ADGRV1: variants seen among roughly 807,000 people sequenced by gnomAD.
ADGRV1 encodes G-protein coupled receptor 98.
ADGRV1 carries 359 observed loss-of-function variants against 596.2 expected under a neutral mutation model. That is an observed-to-expected ratio of 0.60 (90% confidence interval 0.55 to 0.66). ADGRV1 has a LOEUF of 0.66. Ranked by LOEUF, ADGRV1 falls within the 30% of genes least tolerant of loss-of-function variation. ADGRV1 has a pLI of 0.00. For synonymous variants in ADGRV1, 2,681 were observed against 2,679.2 expected (o/e 1.00, Z -0.02); for missense variants, 7,274 against 7,575.6 (o/e 0.96, Z 1.48).
At position 90,985,511 on chromosome 5, in the gene ADGRV1, T is replaced by G. The variant is rs888089676; in HGVS notation, c.18141T>G (p.Ile6047Met). 3.7e-6 allele frequency: 6 copies of G among 1,613,438 alleles called. No homozygotes were observed. The highest frequency in any genetic ancestry group is 5.1e-6 in the Non-Finnish European group (6 of 1,179,544). The change falls in exon 85 of 90, where the codon ATT (isoleucine) becomes ATG (methionine). Residue 6047 changes from isoleucine (I) to methionine (M), a missense_variant. Ile to Met is a conservative substitution (Grantham distance 10). Around this residue, in one of 5 missense-constraint regions of ADGRV1, gnomAD observed 1,874 missense variants for 1,970.2 expected, o/e 0.95. Transcript: ENST00000405460. ...HQSMSQIYGL[I>M]HGDLCFIPNV... ...GCATGTCACAGATCTATGGACTCAT[T>G]CATGGTGACCTGTAAGTACACCCAG...
intron 59 of ADGRV1, among the ~76,000 whole-genome samples, chr5:90,766,926 G>A (rs1226720102): frequency 6.6e-6 from 1 of 152,068 alleles, no homozygotes; most frequent in Non-Finnish European, 1.5e-5. Context: ...AAGAAGGTGG[G>A]GAAGCAGCAT....
Position 90,810,992 on chromosome 5 carries a change from T to A in ADGRV1, c.15732T>A (p.Leu5244=). 6.2e-7 allele frequency: 1 copy of A among 1,614,016 alleles called. No homozygotes were observed. The highest frequency in any genetic ancestry group is 8.5e-7 in the Non-Finnish European group (1 of 1,179,890). ...KNGTFNTAEV[L]IRRTGGFTGN... ...GCACATTCAACACTGCAGAAGTTCT[T>A]ATCCGAAGAACTGGTGGGTTTACTG... Residue 5244 remains leucine (L), a synonymous_variant, in exon 74 of 90, where the codon CTT becomes CTA. Coordinates refer to ENST00000405460, the MANE Select transcript of ADGRV1 (RefSeq NM_032119.4).
intron 59 of ADGRV1, among the ~76,000 whole-genome samples, chr5:90,766,716 T>C (rs936977000): frequency 1.3e-5 from 2 of 152,204 alleles, no homozygotes; most frequent in African/African-American, 4.8e-5. Context: ...TTGGTTTCTG[T>C]AACTTGTAAG....
chr5:90,628,183 C>T (rs1223710885), intron 7 of ADGRV1, among the ~76,000 whole-genome samples: 1 of 148,422 alleles, frequency 6.7e-6, no homozygotes, highest in Non-Finnish European at 1.5e-5. Flanking sequence ...TCTAGGTGTT[C>T]AAGACCAGCC....
Position 90,745,195 on chromosome 5 carries a change from G to A in ADGRV1, c.10699G>A (p.Ala3567Thr), listed in dbSNP as rs2149912305. ...KSLNSSKNLI[A>T]LVGAHSHIYE... The stretch of plus-strand genomic sequence containing the variant: ...CCTTAATTCAAGCAAGAATTTAATA[G>A]CTCTAGTGGGAGCTCATTCACATAT... The change falls in exon 51 of 90, where the codon GCT becomes ACT. Residue 3567 changes from alanine (A) to threonine (T), a missense_variant. Around this residue, in one of 5 missense-constraint regions of ADGRV1, gnomAD observed 3,643 missense variants for 3,809.2 expected, o/e 0.96. Transcript: ENST00000405460. 6.2e-7 allele frequency: 1 copy of A among 1,612,712 alleles called. No individual in the cohort carries two copies. The highest frequency in any genetic ancestry group is 8.5e-7 in the Non-Finnish European group (1 of 1,179,702).
chr5:90,810,229 C>A lies in ADGRV1; in HGVS notation c.14973-4C>A. 5.9e-6 allele frequency: 9 copies of A among 1,528,110 alleles called. No individual in the cohort carries two copies. Among genetic ancestry groups the A allele is most frequent in the Non-Finnish European group, 7.9e-6 (9 of 1,138,232 alleles). The allele number at this position is 1,528,110 out of a possible 1,614,324, so 94.7% of individuals were successfully genotyped here. On this transcript the variant is annotated splice_polypyrimidine_tract_variant and splice_region_variant and intron_variant, in intron 73 of 89. Transcript: ENST00000405460. Reference sequence around the variant, plus strand: ...ATTTCTTCATGATTTAATTTTTTTCCCAGATCAGGTTTCATTGTTGCTGAA... The same window carrying A: ...ATTTCTTCATGATTTAATTTTTTTCACAGATCAGGTTTCATTGTTGCTGAA...
chr5:90,769,897 C>T (rs969200636), intron 59 of ADGRV1, among the ~76,000 whole-genome samples: 4 of 152,178 alleles, frequency 2.6e-5, no homozygotes, highest in East Asian at 1.9e-4. Flanking sequence ...CTACATATTA[C>T]GAATTGGAAA....
chr5:90,915,404 C>A (rs936021906), intron 83 of ADGRV1, among the ~76,000 whole-genome samples: 3 of 152,132 alleles, frequency 2.0e-5, no homozygotes, highest in Admixed American at 1.3e-4. Context: ...GCTGTTTAAT[C>A]CCCCTGACTT....
chr5:91,071,039 A>G (rs983207828), intron 85 of ADGRV1, among the ~76,000 whole-genome samples: 2 of 152,160 alleles, frequency 1.3e-5, no homozygotes, highest in Non-Finnish European at 2.9e-5. Flanking sequence ...TAGCTCCCTA[A>G]TGGTGATATG....
intron 83 of ADGRV1, among the ~76,000 whole-genome samples, chr5:90,918,637 A>C (rs1773596857): frequency 6.6e-6 from 1 of 152,206 alleles, no homozygotes; most frequent in African/African-American, 2.4e-5. Flanking sequence ...ACTGTAAATA[A>C]TAATAAGTTT....
chr5:91,066,274 A>G (rs1350029267), intron 85 of ADGRV1, among the ~76,000 whole-genome samples: 1 of 152,156 alleles, frequency 6.6e-6, no homozygotes, highest in Non-Finnish European at 1.5e-5. Context: ...TTCAAAAGCT[A>G]CTCTAACATG....
intron 81 of ADGRV1, among the ~76,000 whole-genome samples, chr5:90,854,836 AC>A (rs1186561283): frequency 6.6e-6 from 1 of 152,192 alleles, no homozygotes; most frequent in Non-Finnish European, 1.5e-5. Context: ...AGCCACACAA[AC>A]TAAAATTCTA....
rs751116941 is a variant in ADGRV1, at chr5:90,643,886, G to A, written c.2637G>A (p.Thr879=). The change falls in exon 14 of 90, where the codon ACG becomes ACA. Residue 879 remains threonine, a synonymous_variant. Coordinates refer to ENST00000405460, the MANE Select transcript of ADGRV1 (RefSeq NM_032119.4). ...GAAGTGCCACCATTGTCAATATAAC[G>A]ATTCTGAAAAATGATGATCCTCATG... ...KLGSATIVNI[T]ILKNDDPHGI... 5.6e-6 allele frequency: 9 copies of A among 1,611,538 alleles called. No homozygotes were observed. In the African/African-American group the frequency reaches 6.7e-5, roughly 12 times the overall value.
At chr5:91,150,269 C>G (rs773431508) in intron 88 of ADGRV1, 48 bp downstream of exon 88, 7 of 1,330,974 alleles carry the variant, frequency 5.3e-6, no homozygotes, top group Admixed American at 2.8e-5. Flanking sequence ...CTCTGTCTCT[C>G]TCTCTCTCTC....
chr5:91,139,000 A>T (rs1794878143), intron 87 of ADGRV1, among the ~76,000 whole-genome samples: 1 of 152,058 alleles, frequency 6.6e-6, no homozygotes, highest in South Asian at 2.1e-4. Context: ...CGAACTCCTG[A>T]CCTCAAGTGA....
chr5:90,745,849 T>C, intron 52 of ADGRV1, 54 bp downstream of exon 52: 1 of 1,044,982 alleles, frequency 9.6e-7, no homozygotes, highest in Non-Finnish European at 1.5e-6. Flanking sequence ...ATTTATTGTA[T>C]TTGTGTATTA....
rs1208434789 is a variant in ADGRV1 at position 90,783,931 on chromosome 5, G to A, written c.13527G>A (p.Lys4509=). Residue 4509 remains lysine, a synonymous_variant, in exon 67 of 90, where the codon AAG becomes AAA. Transcript: ENST00000405460. ...TAGTGAGCAGAATCATAATAGCTAA[G>A]AGTGACTCTCCCTTTGGAGTTATAA... The part of the protein sequence containing the change: ...RHLVSRIIIA[K]SDSPFGVIRF... 1.2e-6 allele frequency: 2 copies of A among 1,612,392 alleles called. No homozygotes were observed. Among genetic ancestry groups the A allele is most frequent in the Non-Finnish European group, 1.7e-6 (2 of 1,179,244 alleles).
At chr5:90,601,926 A>G (rs560761349) in intron 1 of ADGRV1, among the ~76,000 whole-genome samples, 3 of 152,234 alleles carry the variant, frequency 2.0e-5, no homozygotes, top group Non-Finnish European at 4.4e-5. Flanking sequence ...GGCTTGGACA[A>G]TAAGGGTATA....
At chr5:90,673,622 A>T (rs1014571345) in intron 22 of ADGRV1, among the ~76,000 whole-genome samples, 13 of 152,182 alleles carry the variant, frequency 8.5e-5, no homozygotes, top group Admixed American at 6.5e-4. Context: ...TGCTTCAAAG[A>T]TATGGTGCCT....
Sources: gnomAD v4.1 joint callset for allele counts (sites outside exome capture counted in the v4.1 genomes callset) on GRCh38, gnomAD v4.1.1 for gene constraint, gnomAD v4.1.1 regional missense constraint, MANE v1.5 for transcripts, NCBI Gene and HGNC (gene_info 2026-07-23, HGNC 2026-07-21) for gene names.